CAP2: variants seen among roughly 807,000 people sequenced by gnomAD.
CAP2 encodes the protein adenylyl cyclase-associated protein 2.
In CAP2, 24 loss-of-function variants were observed where a neutral mutation model predicts 57.7. That is an observed-to-expected ratio of 0.42 (90% CI 0.30 to 0.58). The LOEUF (loss-of-function observed/expected upper bound fraction) is 0.58. CAP2 is among the 20% of genes least tolerant of loss of function. The pLI, the probability that CAP2 is intolerant of heterozygous loss-of-function variation, is 0.22. For synonymous variants in CAP2, 194 were observed against 207.2 expected (o/e 0.94, Z 0.55); for missense variants, 501 against 590.3 (o/e 0.85, Z 1.57).
chr6:17,529,640 C>CAAAA (rs1554129487), intron 7 of CAP2, among the ~76,000 whole-genome samples: 242 of 117,238 alleles, frequency 2.1e-3, no homozygotes, highest in African/African-American at 3.7e-3. Context: ...GACTCCGTCT[C>CAAAA]AAAAAAAAAA....
chr6:17,500,727 A>G (rs1437480276), intron 4 of CAP2, among the ~76,000 whole-genome samples: 2 of 152,294 alleles, frequency 1.3e-5, no homozygotes, highest in East Asian at 3.9e-4. Context: ...CTTAATTGCA[A>G]AGGAAATGTA....
intron 4 of CAP2, among the ~76,000 whole-genome samples, chr6:17,491,416 G>A (rs576327594): frequency 3.2e-4 from 49 of 152,272 alleles, no homozygotes; most frequent in Middle Eastern, 3.4e-3. Flanking sequence ...AGCTATCCAT[G>A]ATATGCTTTT....
At chr6:17,424,426 G>T (rs12524167) in intron 2 of CAP2, among the ~76,000 whole-genome samples, 36,532 of 152,022 alleles carry the variant, frequency 0.24, 5,559 homozygotes, top group South Asian at 0.33. Flanking sequence ...CTTTTAGAAG[G>T]AACATAATCC....
At chr6:17,400,872 A>T (rs915443916) in intron 1 of CAP2, among the ~76,000 whole-genome samples, 3 of 152,148 alleles carry the variant, frequency 2.0e-5, no homozygotes, top group African/African-American at 7.2e-5. Flanking sequence ...CTCAAAAAAA[A>T]AAAAAAAAGA....
At chr6:17,455,427 T>C (rs748197646) in intron 3 of CAP2, among the ~76,000 whole-genome samples, 16 of 152,028 alleles carry the variant, frequency 1.1e-4, no homozygotes, top group Non-Finnish European at 2.1e-4. Context: ...CCAGGAAGAA[T>C]GCTAACATGT....
In CAP2 at chr6:17,400,514, G is replaced by A. The variant is rs141124338; in HGVS notation, c.-2+6768G>A. ...AACATAAGTCACAAAGGATCTATTC[G>A]GATGATTGTCATCATTTCCTACTTT... On this transcript the variant is annotated intron_variant, in intron 1 of 12. Coordinates refer to ENST00000229922, the MANE Select transcript of CAP2 (RefSeq NM_006366.3). Among the ~76,000 whole-genome samples, 363 of 152,192 alleles carry A rather than the reference G, an allele frequency of 2.4e-3. 2 individuals carry two copies. The highest frequency in any genetic ancestry group is 8.2e-3 in the African/African-American group (339 of 41,530).
chr6:17,451,242 AAT>A (rs1288032097), intron 3 of CAP2, among the ~76,000 whole-genome samples: 3,610 of 145,064 alleles, frequency 0.025, 161 homozygotes, highest in African/African-American at 0.097. Flanking sequence ...AAAAAAAAAA[AAT>A]AATAATAATA....
intron 3 of CAP2, among the ~76,000 whole-genome samples, chr6:17,428,704 G>T (rs1759651701): frequency 6.6e-6 from 1 of 151,664 alleles, no homozygotes; most frequent in South Asian, 2.1e-4. Flanking sequence ...CAGCGCACCA[G>T]CATGGCACAT....
intron 3 of CAP2, among the ~76,000 whole-genome samples, chr6:17,458,886 CAAA>C (rs397779120): frequency 7.3e-5 from 8 of 110,252 alleles, no homozygotes; most frequent in Non-Finnish European, 1.4e-4. Context: ...CACAAAGGAG[CAAA>C]AAAAAAAAAA....
chr6:17,441,935 TA>T (rs558022041), intron 3 of CAP2, among the ~76,000 whole-genome samples: 57 of 149,830 alleles, frequency 3.8e-4, no homozygotes, highest in East Asian at 7.8e-4. Flanking sequence ...AATTTAAAAT[TA>T]AAAAAAAAAC....
chr6:17,476,903 G>A (rs1254134874), intron 4 of CAP2, among the ~76,000 whole-genome samples: 2 of 114,878 alleles, frequency 1.7e-5, no homozygotes, highest in Non-Finnish European at 3.2e-5. Context: ...ATGGAATCTC[G>A]CTCTGCTGCC....
chr6:17,489,301 A>T lies in CAP2; in HGVS notation c.301-17868A>T, dbSNP rs113029484. Among the ~76,000 whole-genome samples, 463 of 152,232 alleles carry T rather than the reference A, an allele frequency of 3.0e-3. 3 individuals carry two copies. Among genetic ancestry groups the T allele is most frequent in the African/African-American group, 0.01 (431 of 41,542 alleles). On this transcript the variant is annotated intron_variant, in intron 4 of 12. Transcript: ENST00000229922. ...ACAAAAATAAGCCGGGTGTGGTGGC[A>T]CGCGCCTATAAGCCCAGCTACTCAG... is the stretch of plus-strand genomic sequence containing the variant.
chr6:17,479,097 C>G (rs1262606777), intron 4 of CAP2, among the ~76,000 whole-genome samples: 1 of 152,206 alleles, frequency 6.6e-6, no homozygotes, highest in Admixed American at 6.5e-5. Flanking sequence ...CGTCACTCAT[C>G]TGCTGGTGGT....
chr6:17,511,765 A>G (rs1480547881), intron 6 of CAP2, among the ~76,000 whole-genome samples: 2 of 152,130 alleles, frequency 1.3e-5, no homozygotes, highest in African/African-American at 2.4e-5. Context: ...GGTTCTTTCA[A>G]TATATGAATA....
At chr6:17,522,822 G>A (rs1762421119) in intron 7 of CAP2, among the ~76,000 whole-genome samples, 2 of 152,282 alleles carry the variant, frequency 1.3e-5, no homozygotes, top group East Asian at 3.9e-4. Context: ...TTGAGACAGA[G>A]TCTCACTCTG....
At chr6:17,480,039 T>C (rs1204321114) in intron 4 of CAP2, among the ~76,000 whole-genome samples, 1 of 152,076 alleles carries the variant, frequency 6.6e-6, no homozygotes, top group Non-Finnish European at 1.5e-5. Flanking sequence ...TCAACCAGTC[T>C]CTGTCTCAAA....
intron 1 of CAP2, among the ~76,000 whole-genome samples, chr6:17,413,193 CAT>C (rs753980122): frequency 1.4e-4 from 21 of 152,290 alleles, no homozygotes; most frequent in Non-Finnish European, 2.5e-4. Flanking sequence ...GGATCTCATA[CAT>C]GTTTTCTCCA....
chr6:17,537,719 T>C (rs1762805847), intron 7 of CAP2, among the ~76,000 whole-genome samples: 1 of 152,172 alleles, frequency 6.6e-6, no homozygotes, highest in African/African-American at 2.4e-5. Context: ...TCGTGACTAT[T>C]TAATTTGTTT....
chr6:17,419,747 G>A (rs1297430180), intron 1 of CAP2, among the ~76,000 whole-genome samples: 1 of 151,288 alleles, frequency 6.6e-6, no homozygotes, highest in Non-Finnish European at 1.5e-5. Flanking sequence ...GCAGTGGCGT[G>A]ATCTCAGCTC....
Sources: allele counts gnomAD v4.1 joint callset (sites outside exome capture counted in the v4.1 genomes callset), GRCh38; gene constraint gnomAD v4.1.1; transcripts MANE v1.5; gene names NCBI Gene and HGNC (gene_info 2026-07-23, HGNC 2026-07-21).